The following CARD19 variants were observed in gnomAD, a reference collection of about 807,000 sequenced individuals.
CARD19 encodes the protein caspase recruitment domain family member 19, also known as caspase recruitment domain-containing protein 19.
Under a neutral mutation model 24.1 loss-of-function variants are expected in CARD19, and 25 were observed. The ratio of observed to expected loss-of-function variants is 1.04; its 90% CI spans 0.76 to 1.45. The LOEUF is 1.45. CARD19 is among the 40% of genes most tolerant of loss of function. The probability of loss-of-function intolerance (pLI) is 0.00; values close to 1 mark genes in which losing one functional copy is unlikely to be tolerated. For synonymous variants in CARD19, 103 were observed against 104.9 expected, an observed-to-expected ratio of 0.98 and a Z score of 0.11; for missense variants, 241 against 247.4, an observed-to-expected ratio of 0.97 and a Z score of 0.17.
Position 93,110,619 on chromosome 9 carries a change from C to A in CARD19, c.202C>A (p.His68Asn). ...TGTGCGGCTCTGTGACCTCCTGAGC[C>A]ACCTGCAGCGGAGCGGTGAGCGGGA... ...LRVRLCDLLS[H>N]LQRSGERDCQ... The change falls in exon 3 of 6, where the codon CAC becomes AAC. Residue 68 changes from histidine to asparagine, a missense_variant. By Grantham distance (68) the His-to-Asn change is moderately conservative. Transcript: ENST00000375464. 2.5e-6 allele frequency: 4 copies of A among 1,613,822 alleles called. No individual in the cohort carries two copies. Among genetic ancestry groups the A allele is most frequent in the Non-Finnish European group, 3.4e-6 (4 of 1,179,904 alleles).
intron 3 of CARD19, chr9:93,111,401 C>G: frequency 9.2e-7 from 1 of 1,090,976 alleles, no homozygotes; most frequent in Non-Finnish European, 1.1e-6. Context: ...GGCTACTGCC[C>G]CTTGGCCCTT....
intron 1 of CARD19, among the ~76,000 whole-genome samples, chr9:93,100,890 A>T (rs1474901509): frequency 1.3e-5 from 2 of 152,214 alleles, no homozygotes; most frequent in Non-Finnish European, 2.9e-5. Context: ...TGTAACATCC[A>T]CGTATCATAA....
chr9:93,098,491 G>C (rs1006296476), intron 1 of CARD19, among the ~76,000 whole-genome samples: 1 of 152,172 alleles, frequency 6.6e-6, no homozygotes, highest in East Asian at 1.9e-4. Context: ...GTGCCAGCCT[G>C]GCAAGAAGGA....
chr9:93,105,283 TTTTG>T (rs914929589), intron 1 of CARD19, among the ~76,000 whole-genome samples: 4 of 151,962 alleles, frequency 2.6e-5, no homozygotes, highest in South Asian at 2.1e-4. Flanking sequence ...CCCATTGGTT[TTTTG>T]TTTGTTTGTT....
rs923459547 is a variant in CARD19 at position 93,111,213 on chromosome 9, G to A, written c.304+492G>A. 2.8e-5 allele frequency: 33 copies of A among 1,179,408 alleles called. No individual in the cohort carries two copies. The Admixed American group carries it at 3.2e-4, about 11-fold the overall frequency. 73.1% of individuals were successfully genotyped at this position (1,179,408 alleles called of 1,614,324 possible). On this transcript the variant is annotated intron_variant, in intron 3 of 5. Coordinates refer to ENST00000375464, the MANE Select transcript of CARD19 (RefSeq NM_032310.5). The stretch of plus-strand genomic sequence containing the variant: ...ATTGTCAGGCACGGATGGCTGGTCC[G>A]AAGCACGTGCATTTCAGTTTTGAGG...
chr9:93,096,569 C>T lies in CARD19; in HGVS notation c.7+217C>T, dbSNP rs2119049641. On this transcript the variant is annotated intron_variant, in intron 1 of 5. Coordinates refer to ENST00000375464, the MANE Select transcript of CARD19 (RefSeq NM_032310.5). The surrounding 1 kb of genome is among the most constrained non-coding windows in gnomAD (Gnocchi z 5.4). Reference sequence around the variant, plus strand: ...CCCGGCGGGGCCGTGCCAGCCGAGGCGGTGCCGGGCATGATGGGTGGTGGC... The same window carrying T: ...CCCGGCGGGGCCGTGCCAGCCGAGGTGGTGCCGGGCATGATGGGTGGTGGC... 6.6e-6 allele frequency among the ~76,000 whole-genome samples: 1 copy of T among 152,136 alleles called. No homozygotes were observed. Among genetic ancestry groups the T allele is most frequent in the South Asian group, 2.1e-4 (1 of 4,818 alleles).
At chr9:93,104,828 T>C (rs1476570374) in intron 1 of CARD19, among the ~76,000 whole-genome samples, 1 of 152,234 alleles carries the variant, frequency 6.6e-6, no homozygotes, top group Non-Finnish European at 1.5e-5. Flanking sequence ...ACTAGTAATT[T>C]GAGTCTTCTT....
rs1407379810 is a variant in CARD19, at chr9:93,096,685, G to A, written c.7+333G>A. Reference sequence around the variant, plus strand: ...GTCTGGGCTCAGCCACTGCCAATGTGTGTGTGTCCCGTGGTGGGGAATTTG... The same window carrying A: ...GTCTGGGCTCAGCCACTGCCAATGTATGTGTGTCCCGTGGTGGGGAATTTG... On this transcript the variant is annotated intron_variant, in intron 1 of 5. Transcript: ENST00000375464. This position sits in a 1 kb window ranked among gnomAD's most constrained non-coding sequence, Gnocchi z 5.4. Among the ~76,000 whole-genome samples the A allele has an allele frequency of 1.3e-5, 2 of 152,212 alleles. No homozygotes were observed. The highest frequency in any genetic ancestry group is 2.9e-5 in the Non-Finnish European group (2 of 68,028).
chr9:93,110,710 G>C lies in CARD19; in HGVS notation c.293G>C (p.Arg98Pro). The stretch of plus-strand genomic sequence containing the variant: ...CCCCTGCACAGCCGCCTGCCCAGCC[G>C]CCACGCTCTGCGTAAGTTCCACATC... The part of the protein sequence containing the change: ...AQPLHSRLPS[R>P]HALQNSDCTE... The change falls in exon 3 of 6, where the codon CGC (arginine) becomes CCC (proline). Residue 98 changes from arginine to proline, a missense_variant. Physicochemically the swap from Arg to Pro is moderately radical, Grantham distance 103. Transcript: ENST00000375464. The C allele has an allele frequency of 6.2e-7, 1 of 1,611,050 alleles. No homozygotes were observed. The highest frequency in any genetic ancestry group is 8.5e-7 in the Non-Finnish European group (1 of 1,179,758).
At chr9:93,105,349 C>G (rs190205100) in intron 1 of CARD19, among the ~76,000 whole-genome samples, 11 of 152,246 alleles carry the variant, frequency 7.2e-5, no homozygotes, top group Admixed American at 5.2e-4. Flanking sequence ...GGCACAAATT[C>G]AGCTCACTAC....
rs114589086 is a variant in CARD19 at position 93,100,598 on chromosome 9, A to T, written c.7+4246A>T. 4.8e-3 allele frequency among the ~76,000 whole-genome samples: 730 copies of T among 152,320 alleles called. 7 individuals carry two copies. The highest frequency in any genetic ancestry group is 0.016 in the African/African-American group (671 of 41,564). On this transcript the variant is annotated intron_variant, in intron 1 of 5. Coordinates refer to ENST00000375464, the MANE Select transcript of CARD19 (RefSeq NM_032310.5). ...CATTTACCTTCTTACCCATTTTTTC[A>T]GTGTACACTTCAGTGATACTAAATA...
chr9:93,112,202 G>T lies in CARD19; in HGVS notation c.365-16G>T, dbSNP rs1310528017. 1.9e-6 allele frequency: 3 copies of T among 1,544,004 alleles called. No homozygotes were observed. The African/African-American group carries it at 4.1e-5, about 21-fold the overall frequency. On this transcript the variant is annotated splice_polypyrimidine_tract_variant and intron_variant, in intron 4 of 5. Coordinates refer to ENST00000375464, the MANE Select transcript of CARD19 (RefSeq NM_032310.5). ...TGAGGCCCAGGGGAGCCCTGTTCAC[G>T]CTGGTTTCTCCCCAGGACCCATGAG...
rs5899172 is a variant in CARD19 at position 93,109,471 on chromosome 9, CT to C, written c.151-1084del. On this transcript the variant is annotated intron_variant, in intron 2 of 5. Coordinates refer to ENST00000375464, the MANE Select transcript of CARD19 (RefSeq NM_032310.5). The stretch of plus-strand genomic sequence containing the variant: ...ACATCAAAAGAGCCAATACTTCTGT[CT>C]TTTTTTTTTTTTCTTTGAGATGGAG... Among the ~76,000 whole-genome samples the C allele has an allele frequency of 5.3e-4, 79 of 148,580 alleles. 1 individual carries two copies. Among genetic ancestry groups the C allele is most frequent in the African/African-American group, 9.7e-4 (39 of 40,274 alleles).
Position 93,107,836 on chromosome 9 carries a change from G to T in CARD19, c.150+20G>T. 9.9e-6 allele frequency: 16 copies of T among 1,614,014 alleles called. No individual in the cohort carries two copies. The highest frequency in any genetic ancestry group is 1.4e-5 in the Non-Finnish European group (16 of 1,179,954). The stretch of plus-strand genomic sequence containing the variant: ...GAAAAGGTGCTGAGGAGGTGAGGGG[G>T]GTACCCGAGACACTGCTCAGTTTCC... On this transcript the variant is annotated intron_variant, in intron 2 of 5. Transcript: ENST00000375464.
chr9:93,105,583 A>G (rs1587643253), intron 1 of CARD19, among the ~76,000 whole-genome samples: 1 of 152,036 alleles, frequency 6.6e-6, no homozygotes, highest in Admixed American at 6.6e-5. Flanking sequence ...GCCTGGCCCC[A>G]TTGGCTGTTT....
At chr9:93,112,546 C>T (rs529157976) in intron 5 of CARD19, among the ~76,000 whole-genome samples, 1 of 152,330 alleles carries the variant, frequency 6.6e-6, no homozygotes, top group East Asian at 1.9e-4. Flanking sequence ...AGCCAGGACT[C>T]TGGGTGTTAC....
chr9:93,109,154 C>T (rs371472014), intron 2 of CARD19: 6 of 152,348 alleles, frequency 3.9e-5, no homozygotes, highest in Middle Eastern at 3.4e-3. Context: ...AAATCCAAAT[C>T]TCTTATTATT....
Position 93,107,774 on chromosome 9 carries a change from C to A in CARD19, c.108C>A (p.Asn36Lys). 1 of 1,614,222 alleles carries A rather than the reference C, an allele frequency of 6.2e-7. No homozygotes were observed. The highest frequency in any genetic ancestry group is 8.5e-7 in the Non-Finnish European group (1 of 1,180,042). The stretch of plus-strand genomic sequence containing the variant: ...TGGACAGGATCATCCTCCAGCTGAA[C>A]CGTTACTACCCACAGATCCTTACCA... ...QQVDRIILQL[N>K]RYYPQILTNK... Residue 36 changes from asparagine (N) to lysine (K), a missense_variant, in exon 2 of 6, where the codon AAC becomes AAA. By Grantham distance (94) the Asn-to-Lys change is moderately conservative. Transcript: ENST00000375464.
intron 3 of CARD19, 116 bp from the exon 4 acceptor site, chr9:93,111,763 C>G: frequency 1.3e-6 from 2 of 1,510,874 alleles, no homozygotes; most frequent in Non-Finnish European, 1.8e-6. Flanking sequence ...GTGCCACAGC[C>G]TGGTTCGGCC....
Sources: gnomAD v4.1 joint callset for allele counts (sites outside exome capture counted in the v4.1 genomes callset) on GRCh38, gnomAD v4.1.1 for gene constraint, Gnocchi (gnomAD v3.1) non-coding constraint, MANE v1.5 for transcripts, NCBI Gene and HGNC (gene_info 2026-07-23, HGNC 2026-07-21) for gene names.